The following NR3C2 variants were observed in gnomAD, a reference collection of about 807,000 sequenced individuals.
NR3C2 encodes nuclear receptor subfamily 3 group C member 2, also known as mineralocorticoid receptor.
In NR3C2, 15 loss-of-function variants were observed where a neutral mutation model predicts 86.4. The ratio of observed to expected loss-of-function variants is 0.17; its 90% CI spans 0.12 to 0.27. The LOEUF is 0.27. Ranked by LOEUF, NR3C2 falls within the 10% of genes least tolerant of loss-of-function variation. The probability of loss-of-function intolerance (pLI) is 1.00; values close to 1 mark genes in which losing one functional copy is unlikely to be tolerated. For missense variants in NR3C2, 960 were observed against 1,195.6 expected (o/e 0.80, Z 2.91); for synonymous variants, 458 against 450.5 (o/e 1.02, Z -0.21).
intron 8 of NR3C2, among the ~76,000 whole-genome samples, chr4:148,113,777 C>G (rs146908082): frequency 3.3e-5 from 5 of 152,128 alleles, no homozygotes; most frequent in Non-Finnish European, 7.4e-5. Flanking sequence ...GAATGCAGGT[C>G]GTCCAGGGGA....
intron 2 of NR3C2, among the ~76,000 whole-genome samples, chr4:148,315,876 G>A (rs1743146108): frequency 6.6e-6 from 1 of 152,128 alleles, no homozygotes; most frequent in African/African-American, 2.4e-5. Context: ...AATGTAAATT[G>A]TATTGCAGTA....
At chr4:148,257,260 T>C (rs778642832) in intron 3 of NR3C2, among the ~76,000 whole-genome samples, 22 of 152,184 alleles carry the variant, frequency 1.4e-4, no homozygotes, top group Non-Finnish European at 1.9e-4. Flanking sequence ...TCCATACATA[T>C]ATATGTATAT....
intron 2 of NR3C2, among the ~76,000 whole-genome samples, chr4:148,285,621 C>T (rs1316589012): frequency 6.6e-5 from 10 of 152,026 alleles, no homozygotes; most frequent in East Asian, 1.9e-4. Flanking sequence ...GCAGGAGAAT[C>T]GCTTGAACCC....
intron 2 of NR3C2, among the ~76,000 whole-genome samples, chr4:148,389,190 A>T (rs1747416037): frequency 6.6e-6 from 1 of 152,122 alleles, no homozygotes; most frequent in African/African-American, 2.4e-5. Context: ...AAGCAATCCA[A>T]CTTGTAATTA....
At chr4:148,228,927 A>C (rs1025121721) in intron 3 of NR3C2, among the ~76,000 whole-genome samples, 12 of 152,186 alleles carry the variant, frequency 7.9e-5, no homozygotes, top group African/African-American at 2.9e-4. Flanking sequence ...AAGAAAGGCA[A>C]ACTCCTGTAT....
At chr4:148,219,017 A>T (rs960490349) in intron 3 of NR3C2, among the ~76,000 whole-genome samples, 2 of 152,202 alleles carry the variant, frequency 1.3e-5, no homozygotes, top group African/African-American at 4.8e-5. Context: ...TGTATGTTTA[A>T]TATTTTAAGA....
rs536274153 is a variant in NR3C2 at position 148,148,356 on chromosome 4, G to C, written c.2510+4113C>G. On this transcript the variant is annotated intron_variant, in intron 6 of 8. Transcript: ENST00000358102. ...GATTCCCATCGCAGCCTCCTGTCTGGTCTCCCAACATCTGCTCTGACTCAC... is the reference window on the plus strand; with the variant it reads ...GATTCCCATCGCAGCCTCCTGTCTGCTCTCCCAACATCTGCTCTGACTCAC... 2.6e-5 allele frequency among the ~76,000 whole-genome samples: 4 copies of C among 152,238 alleles called. No individual in the cohort carries two copies. The South Asian group carries it at 8.3e-4, about 32-fold the overall frequency.
At chr4:148,216,240 A>G (rs1305541520) in intron 3 of NR3C2, among the ~76,000 whole-genome samples, 3 of 151,942 alleles carry the variant, frequency 2.0e-5, no homozygotes, top group Non-Finnish European at 4.4e-5. Flanking sequence ...CCCCCCAACC[A>G]TTTAGTTCCC....
chr4:148,300,445 C>T (rs996692724), intron 2 of NR3C2, among the ~76,000 whole-genome samples: 11 of 152,102 alleles, frequency 7.2e-5, no homozygotes, highest in Admixed American at 5.9e-4. Context: ...TTAAAGACTG[C>T]TCAGCTTAAT....
intron 2 of NR3C2, among the ~76,000 whole-genome samples, chr4:148,426,047 T>C (rs909208159): frequency 2.0e-5 from 3 of 152,138 alleles, no homozygotes; most frequent in Admixed American, 1.3e-4. Flanking sequence ...CACAAGTCCA[T>C]TGCCCTCTTC....
chr4:148,172,294 C>G (rs377445598), intron 4 of NR3C2, among the ~76,000 whole-genome samples: 1 of 152,132 alleles, frequency 6.6e-6, no homozygotes, highest in South Asian at 2.1e-4. Context: ...GTCTTCCATT[C>G]TGGTGACAAA....
At chr4:148,173,022 C>T (rs138537717) in intron 4 of NR3C2, among the ~76,000 whole-genome samples, 10 of 152,236 alleles carry the variant, frequency 6.6e-5, no homozygotes, top group Admixed American at 6.5e-4. Context: ...GAGTTGATTA[C>T]AGAGATTTAT....
At chr4:148,365,599 A>G (rs1218125637) in intron 2 of NR3C2, among the ~76,000 whole-genome samples, 2 of 151,814 alleles carry the variant, frequency 1.3e-5, no homozygotes, top group African/African-American at 4.8e-5. Context: ...TGATACAGTA[A>G]TATGCTGCTT....
At chr4:148,408,219 A>G (rs1467664752) in intron 2 of NR3C2, among the ~76,000 whole-genome samples, 1 of 152,178 alleles carries the variant, frequency 6.6e-6, no homozygotes, top group African/African-American at 2.4e-5. Flanking sequence ...AAACAGAGGA[A>G]AGGGGTGTTA....
At chr4:148,296,659 G>C (rs1742070213) in intron 2 of NR3C2, among the ~76,000 whole-genome samples, 1 of 151,480 alleles carries the variant, frequency 6.6e-6, no homozygotes, top group African/African-American at 2.4e-5. Context: ...AAAGACAGGG[G>C]AACTGAATCA....
At chr4:148,332,615 T>G (rs1365080345) in intron 2 of NR3C2, among the ~76,000 whole-genome samples, 1 of 152,210 alleles carries the variant, frequency 6.6e-6, no homozygotes, top group African/African-American at 2.4e-5. Context: ...TGCTAACATC[T>G]GCAAAGCATC....
chr4:148,183,713 C>T (rs1735750169), intron 4 of NR3C2, among the ~76,000 whole-genome samples: 1 of 152,142 alleles, frequency 6.6e-6, no homozygotes, highest in Non-Finnish European at 1.5e-5. Context: ...CAGAGCACAG[C>T]AAGCCCTCAA....
At chr4:148,368,705 T>C (rs541954530) in intron 2 of NR3C2, among the ~76,000 whole-genome samples, 11 of 152,290 alleles carry the variant, frequency 7.2e-5, no homozygotes, top group African/African-American at 2.6e-4. Context: ...TAGATTGGTA[T>C]GGAAACCAGC....
intron 2 of NR3C2, among the ~76,000 whole-genome samples, chr4:148,325,694 T>C (rs914287805): frequency 1.3e-5 from 2 of 152,252 alleles, no homozygotes; most frequent in Non-Finnish European, 2.9e-5. Context: ...CTTCTACTTT[T>C]ACTGTTGGGT....
Sources: gnomAD v4.1 joint callset for allele counts (sites outside exome capture counted in the v4.1 genomes callset) on GRCh38, gnomAD v4.1.1 for gene constraint, MANE v1.5 for transcripts, NCBI Gene and HGNC (gene_info 2026-07-23, HGNC 2026-07-21) for gene names.